The following CATSPERE variants were observed in gnomAD, a reference collection of about 807,000 sequenced individuals.
CATSPERE encodes cation channel sperm-associated auxiliary subunit epsilon.
In CATSPERE, 93 loss-of-function variants were observed where a neutral mutation model predicts 114.1. The ratio of observed to expected loss-of-function variants is 0.81; its 90% confidence interval spans 0.69 to 0.97. The LOEUF is 0.97. Among genes scored for constraint, CATSPERE ranks in the 50% least tolerant of loss-of-function variants. The pLI, the probability that CATSPERE is intolerant of heterozygous loss-of-function variation, is 0.00. For synonymous variants in CATSPERE, 341 were observed against 384.1 expected, an observed-to-expected ratio of 0.89 and a Z score of 1.31; for missense variants, 1,058 against 1,131.6, an observed-to-expected ratio of 0.93 and a Z score of 0.93.
At chr1:244,622,529 G>A (rs547383218) in intron 20 of CATSPERE, among the ~76,000 whole-genome samples, 11 of 151,300 alleles carry the variant, frequency 7.3e-5, no homozygotes, top group Middle Eastern at 6.9e-3. Flanking sequence ...TCAGCCTCCC[G>A]TGTAGCTGGG....
At chr1:244,497,127 CAATT>C (rs1307449800) in intron 6 of CATSPERE, among the ~76,000 whole-genome samples, 2 of 152,032 alleles carry the variant, frequency 1.3e-5, no homozygotes, top group Non-Finnish European at 2.9e-5. Flanking sequence ...AATCCAGTAA[CAATT>C]AAAGAAAACA....
In CATSPERE at chr1:244,568,481, A is replaced by G. The variant is rs915887497; in HGVS notation, c.1508-3849A>G. 6.6e-6 allele frequency among the ~76,000 whole-genome samples: 1 copy of G among 152,174 alleles called. No homozygotes were observed. Among genetic ancestry groups the G allele is most frequent in the African/African-American group, 2.4e-5 (1 of 41,450 alleles). The stretch of plus-strand genomic sequence containing the variant: ...CCAGGTGCTCTGTCCCAGGGAGATG[A>G]GGGTTTTATCTATAAGCCCCTGAGT... On this transcript the variant is annotated intron_variant, in intron 10 of 21. Transcript: ENST00000366534. This position sits in a 1 kb window ranked among gnomAD's most constrained non-coding sequence, Gnocchi z 4.4.
At chr1:244,639,678 C>CA (rs33986693) in intron 21 of CATSPERE, among the ~76,000 whole-genome samples, 39,790 of 136,350 alleles carry the variant, frequency 0.29, 6,068 homozygotes, top group East Asian at 0.4. Context: ...GACTCCATCT[C>CA]AAAAAAAAAA....
chr1:244,563,727 A>G (rs953357130), intron 10 of CATSPERE, among the ~76,000 whole-genome samples: 5 of 152,296 alleles, frequency 3.3e-5, no homozygotes, highest in Admixed American at 2.6e-4. Context: ...CTCTGATGAT[A>G]GTTTCTTTTG....
At chr1:244,505,818 AAC>A (rs771860566) in intron 7 of CATSPERE, among the ~76,000 whole-genome samples, 55 of 152,216 alleles carry the variant, frequency 3.6e-4, no homozygotes, top group Admixed American at 6.5e-4. Flanking sequence ...CATCCTGGCT[AAC>A]ACAGTGAAAG....
upstream of CATSPERE, chr1:244,451,650 G>T (rs762008431): frequency 1.9e-6 from 3 of 1,610,462 alleles, no homozygotes; most frequent in South Asian, 3.3e-5. The surrounding 1 kb of genome is among the most constrained non-coding windows in gnomAD (Gnocchi z 6.6). Flanking sequence ...AGCGGCACAC[G>T]ATGTCGGCGT....
chr1:244,511,063 G>A (rs1352689126), intron 7 of CATSPERE, among the ~76,000 whole-genome samples: 1 of 151,768 alleles, frequency 6.6e-6, no homozygotes, highest in Non-Finnish European at 1.5e-5. Flanking sequence ...GGCTGGCCTC[G>A]AACTCCTGAC....
At chr1:244,529,006 A>G (rs1679169573) in intron 8 of CATSPERE, among the ~76,000 whole-genome samples, 1 of 152,072 alleles carries the variant, frequency 6.6e-6, no homozygotes, top group Non-Finnish European at 1.5e-5. Context: ...ACGTGACAGG[A>G]TCTCATTCTT....
At chr1:244,559,879 T>C (rs1662278162) in intron 9 of CATSPERE, among the ~76,000 whole-genome samples, 1 of 152,242 alleles carries the variant, frequency 6.6e-6, no homozygotes, top group Non-Finnish European at 1.5e-5. Flanking sequence ...ATAATTTATT[T>C]TTATGGTTAT....
chr1:244,480,766 A>G (rs1200670050), intron 5 of CATSPERE, among the ~76,000 whole-genome samples: 1 of 152,176 alleles, frequency 6.6e-6, no homozygotes, highest in Non-Finnish European at 1.5e-5. Flanking sequence ...GGTTTCAGCA[A>G]GCCCCACCAG....
chr1:244,545,559 T>C (rs1659618634), intron 8 of CATSPERE, among the ~76,000 whole-genome samples: 1 of 152,176 alleles, frequency 6.6e-6, no homozygotes, highest in Non-Finnish European at 1.5e-5. Context: ...CACACTCCTT[T>C]TGTATTTTGG....
chr1:244,518,706 A>AT lies in CATSPERE; in HGVS notation c.536+16dup, dbSNP rs750733816. 1.0e-4 allele frequency: 135 copies of AT among 1,350,974 alleles called. 1 individual carries two copies. The highest frequency in any genetic ancestry group is 1.2e-4 in the Non-Finnish European group (120 of 979,696). The allele number at this position is 1,350,974 out of a possible 1,614,324, so 83.7% of individuals were successfully genotyped here. A position where few individuals can be genotyped will look rare whatever the true frequency, so the allele number is the denominator to read the frequency against. ...TGAGAAAATGAGAAGGGGGTATTTA[A>AT]TTTTTTTTAATTTTAAATATAGAAA... On this transcript the variant is annotated intron_variant, in intron 8 of 21. Coordinates refer to ENST00000366534, the MANE Select transcript of CATSPERE (RefSeq NM_001130957.2).
At chr1:244,584,005 A>C in intron 13 of CATSPERE, 66 bp downstream of exon 13, 1 of 1,252,914 alleles carries the variant, frequency 8.0e-7, no homozygotes, top group Non-Finnish European at 1.2e-6. Flanking sequence ...CAACCAAATA[A>C]TGCATACAAT....
At chr1:244,576,358 T>C (rs1481993043) in intron 11 of CATSPERE, among the ~76,000 whole-genome samples, 3 of 150,646 alleles carry the variant, frequency 2.0e-5, no homozygotes, top group African/African-American at 7.3e-5. Flanking sequence ...AAAATGTTTA[T>C]CCAGAAACAG....
chr1:244,522,193 G>T (rs934722515), intron 8 of CATSPERE, among the ~76,000 whole-genome samples: 2 of 152,042 alleles, frequency 1.3e-5, no homozygotes, highest in Admixed American at 6.6e-5. Context: ...ACTCAAAACC[G>T]CTCAACTACA....
At chr1:244,567,101 A>G (rs920403539) in intron 10 of CATSPERE, among the ~76,000 whole-genome samples, 6 of 152,170 alleles carry the variant, frequency 3.9e-5, no homozygotes, top group Non-Finnish European at 7.4e-5. Context: ...TCCTTTGCTT[A>G]TGAAGCTTAG....
At chr1:244,561,355 C>T (rs570503320) in intron 10 of CATSPERE, among the ~76,000 whole-genome samples, 3 of 152,062 alleles carry the variant, frequency 2.0e-5, no homozygotes, top group East Asian at 3.9e-4. Context: ...TTCTTTTTGC[C>T]GGGGAGAGGG....
intron 5 of CATSPERE, among the ~76,000 whole-genome samples, chr1:244,482,559 G>A (rs565684891): frequency 5.3e-5 from 8 of 152,026 alleles, no homozygotes; most frequent in Non-Finnish European, 7.4e-5. Context: ...CTATGATTGC[G>A]CCACTGCACT....
chr1:244,601,797 A>G (rs1000872633), intron 17 of CATSPERE, among the ~76,000 whole-genome samples: 5 of 152,164 alleles, frequency 3.3e-5, no homozygotes, highest in Non-Finnish European at 7.3e-5. Context: ...TACTAAAAAC[A>G]TAGAAATTAG....
Sources: gnomAD v4.1 joint callset for allele counts (sites outside exome capture counted in the v4.1 genomes callset) on GRCh38, gnomAD v4.1.1 for gene constraint, Gnocchi (gnomAD v3.1) non-coding constraint, MANE v1.5 for transcripts, NCBI Gene and HGNC (gene_info 2026-07-23, HGNC 2026-07-21) for gene names.